The following PPFIA2 variants were observed in gnomAD, a reference collection of about 807,000 sequenced individuals.
PPFIA2 encodes the protein PPFI scaffold protein A2, also known as liprin-alpha-2.
In PPFIA2, 46 loss-of-function variants were observed where a neutral mutation model predicts 175.5. That is an observed-to-expected ratio of 0.26 (90% CI 0.21 to 0.34). The LOEUF (loss-of-function observed/expected upper bound fraction) is 0.34, where lower values mean the gene tolerates loss of function less well. Ranked by LOEUF, PPFIA2 falls within the 10% of genes least tolerant of loss-of-function variation. The pLI, the probability that PPFIA2 is intolerant of heterozygous loss-of-function variation, is 1.00. For missense variants in PPFIA2, 1,179 were observed against 1,506.1 expected (o/e 0.78, Z 3.60); for synonymous variants, 568 against 511.4 (o/e 1.11, Z -1.49).
chr12:81,335,667 T>A (rs976211678), intron 21 of PPFIA2, among the ~76,000 whole-genome samples: 2 of 151,340 alleles, frequency 1.3e-5, no homozygotes, highest in Non-Finnish European at 2.9e-5. Flanking sequence ...TCATTTGAAC[T>A]GGGAGGCGGA....
intron 5 of PPFIA2, among the ~76,000 whole-genome samples, chr12:81,449,864 C>T (rs2052143774): frequency 6.7e-6 from 1 of 149,270 alleles, no homozygotes; most frequent in Non-Finnish European, 1.5e-5. Context: ...TGTTCAATTC[C>T]CACCTATGAG....
chr12:81,264,106 C>A (rs1306003694), intron 30 of PPFIA2, among the ~76,000 whole-genome samples: 1 of 152,046 alleles, frequency 6.6e-6, no homozygotes, highest in Non-Finnish European at 1.5e-5. Context: ...GAGTCACATC[C>A]CATTTAATTG....
At chr12:81,669,539 T>C (rs2071020668) in intron 4 of PPFIA2, among the ~76,000 whole-genome samples, 1 of 151,952 alleles carries the variant, frequency 6.6e-6, no homozygotes, top group South Asian at 2.1e-4. Context: ...AATCATCCTA[T>C]AGGATCAGAA....
intron 4 of PPFIA2, among the ~76,000 whole-genome samples, chr12:81,616,261 G>A (rs1264503852): frequency 5.3e-5 from 8 of 152,090 alleles, no homozygotes; most frequent in Middle Eastern, 3.4e-3. Context: ...CTAGTAGAAC[G>A]TTATCCACAA....
intron 3 of PPFIA2, among the ~76,000 whole-genome samples, chr12:81,721,568 A>T (rs1046606108): frequency 6.6e-6 from 1 of 151,372 alleles, no homozygotes; most frequent in African/African-American, 2.4e-5. Context: ...ATTTCAAAAG[A>T]ATTGGGGGTC....
chr12:81,499,078 C>T (rs2147325408), intron 4 of PPFIA2, among the ~76,000 whole-genome samples: 1 of 152,344 alleles, frequency 6.6e-6, no homozygotes, highest in Non-Finnish European at 1.5e-5. Context: ...AGGTAGGGTG[C>T]TGCAAGAATG....
At chr12:81,633,851 A>C (rs2063684097) in intron 4 of PPFIA2, among the ~76,000 whole-genome samples, 1 of 151,944 alleles carries the variant, frequency 6.6e-6, no homozygotes, top group Admixed American at 6.6e-5. Context: ...GGGGAGAGGA[A>C]GGTGGGTAAT....
At chr12:81,461,716 C>T (rs576174463) in intron 4 of PPFIA2, among the ~76,000 whole-genome samples, 30 of 152,172 alleles carry the variant, frequency 2.0e-4, no homozygotes, top group Non-Finnish European at 3.8e-4. Flanking sequence ...AAACATTTCT[C>T]TTTCCTGTTT....
intron 8 of PPFIA2, among the ~76,000 whole-genome samples, chr12:81,399,154 T>C (rs752185854): frequency 5.3e-5 from 8 of 151,922 alleles, no homozygotes; most frequent in Non-Finnish European, 1.2e-4. Flanking sequence ...AAAGAACTTA[T>C]TCTTGTGTAC....
chr12:81,309,699 A>G (rs2050237401), intron 22 of PPFIA2, among the ~76,000 whole-genome samples: 2 of 152,120 alleles, frequency 1.3e-5, no homozygotes, highest in Non-Finnish European at 1.5e-5. Flanking sequence ...ACTAAAATTC[A>G]TTCATATTTA....
intron 22 of PPFIA2, among the ~76,000 whole-genome samples, chr12:81,318,576 T>C (rs1193034357): frequency 6.6e-6 from 1 of 151,750 alleles, no homozygotes; most frequent in Non-Finnish European, 1.5e-5. Flanking sequence ...AAAACTGAGC[T>C]ATGCCTTCTA....
chr12:81,741,425 TTTTCA>T (rs2082308422), intron 3 of PPFIA2, among the ~76,000 whole-genome samples: 1 of 152,204 alleles, frequency 6.6e-6, no homozygotes, highest in Non-Finnish European at 1.5e-5. Flanking sequence ...ATAATCTTTG[TTTTCA>T]TTTATTTAGT....
At chr12:81,486,420 T>C (rs957713801) in intron 4 of PPFIA2, among the ~76,000 whole-genome samples, 1 of 151,888 alleles carries the variant, frequency 6.6e-6, no homozygotes, top group Non-Finnish European at 1.5e-5. Context: ...GCAGAAAACT[T>C]TCAGGATATT....
At chr12:81,441,432 A>T (rs2050155245) in intron 6 of PPFIA2, among the ~76,000 whole-genome samples, 1 of 152,092 alleles carries the variant, frequency 6.6e-6, no homozygotes, top group South Asian at 2.1e-4. Flanking sequence ...TAATACACAC[A>T]TAAATGGAGA....
intron 5 of PPFIA2, among the ~76,000 whole-genome samples, chr12:81,454,584 A>G (rs1252894360): frequency 3.3e-5 from 5 of 152,164 alleles, no homozygotes; most frequent in Non-Finnish European, 7.4e-5. Context: ...TGGAACTTCT[A>G]TTTTCTATTT....
chr12:81,300,017 T>C (rs554800763), intron 22 of PPFIA2, among the ~76,000 whole-genome samples: 7 of 152,338 alleles, frequency 4.6e-5, no homozygotes, highest in Admixed American at 3.3e-4. Context: ...CTTGCTTTTA[T>C]CTATAATCAC....
chr12:81,673,771 T>G (rs1181075288), intron 4 of PPFIA2, among the ~76,000 whole-genome samples: 1 of 152,076 alleles, frequency 6.6e-6, no homozygotes, highest in Non-Finnish European at 1.5e-5. Context: ...AAGTTGTGTT[T>G]GCTGCTACAA....
At position 81,599,323 on chromosome 12, in the gene PPFIA2, C is replaced by T. The variant is rs186618384; in HGVS notation, c.303+77468G>A. On this transcript the variant is annotated intron_variant, in intron 4 of 32. Coordinates refer to ENST00000549396, the MANE Select transcript of PPFIA2 (RefSeq NM_003625.5). The stretch of plus-strand genomic sequence containing the variant: ...TACACATACAACCTAAATTATTATT[C>T]ATTAGTATTTCTGATTCTCCAATTA... Among the ~76,000 whole-genome samples the T allele has an allele frequency of 6.7e-4, 102 of 151,980 alleles. 1 individual carries two copies. Among genetic ancestry groups the T allele is most frequent in the Admixed American group, 1.9e-3 (29 of 15,208 alleles).
At chr12:81,559,804 G>GTT (rs71098149) in intron 4 of PPFIA2, among the ~76,000 whole-genome samples, 8,037 of 145,272 alleles carry the variant, frequency 0.055, 289 homozygotes, top group South Asian at 0.11. Context: ...ATGCTTAGTT[G>GTT]TTTTTTTTTT....
Sources: gnomAD v4.1 joint callset for allele counts (sites outside exome capture counted in the v4.1 genomes callset) on GRCh38, gnomAD v4.1.1 for gene constraint, MANE v1.5 for transcripts, NCBI Gene and HGNC (gene_info 2026-07-23, HGNC 2026-07-21) for gene names.